VEPH1: variants seen among roughly 807,000 people sequenced by gnomAD.
The protein encoded by VEPH1 is ventricular zone-expressed PH domain-containing protein homolog 1.
Under a neutral mutation model 85.2 loss-of-function variants are expected in VEPH1, and 80 were observed. The observed-to-expected ratio is 0.94, with a 90% CI of 0.78 to 1.13. The LOEUF is 1.13. VEPH1 is among the 50% of genes most tolerant of loss of function. The pLI is 0.00. For synonymous variants in VEPH1, 297 were observed against 348.0 expected (o/e 0.85, Z 1.63); for missense variants, 955 against 980.5 (o/e 0.97, Z 0.35).
At chr3:157,474,081 G>A (rs1034144308) in intron 2 of VEPH1, among the ~76,000 whole-genome samples, 8 of 151,858 alleles carry the variant, frequency 5.3e-5, no homozygotes, top group Non-Finnish European at 8.8e-5. Context: ...GTCAGGTTTC[G>A]TATCAATTTT....
At chr3:157,313,418 G>A (rs1720361337) in intron 11 of VEPH1, among the ~76,000 whole-genome samples, 1 of 152,124 alleles carries the variant, frequency 6.6e-6, no homozygotes, top group Admixed American at 6.5e-5. Context: ...AGACCTCAAA[G>A]GGCAATGTCC....
chr3:157,374,933 T>C (rs1369081397), intron 7 of VEPH1, among the ~76,000 whole-genome samples: 2 of 152,224 alleles, frequency 1.3e-5, no homozygotes, highest in African/African-American at 2.4e-5. Flanking sequence ...ACATTGAAAT[T>C]TGAGATTCAC....
At chr3:157,470,127 G>A (rs761397816) in intron 3 of VEPH1, among the ~76,000 whole-genome samples, 187 bp downstream of exon 3, 64 of 152,232 alleles carry the variant, frequency 4.2e-4, no homozygotes, top group Middle Eastern at 3.4e-3. Context: ...TGTCTTGCAC[G>A]TAGCAGGAGC....
chr3:157,304,042 C>T (rs372836963), intron 11 of VEPH1, among the ~76,000 whole-genome samples: 40 of 51,366 alleles, frequency 7.8e-4, no homozygotes, highest in South Asian at 2.3e-3. Context: ...TATATATACA[C>T]ACATACTGTT....
intron 11 of VEPH1, among the ~76,000 whole-genome samples, chr3:157,312,923 G>A (rs553891586): frequency 0.044 from 1,247 of 28,070 alleles, 10 homozygotes; most frequent in Non-Finnish European, 0.061. Flanking sequence ...TTTTTTTTTT[G>A]AGATGGAGTC....
chr3:157,484,753 T>C (rs925138540), intron 2 of VEPH1, among the ~76,000 whole-genome samples: 2 of 152,200 alleles, frequency 1.3e-5, no homozygotes, highest in South Asian at 2.1e-4. Flanking sequence ...ATAGTTACTG[T>C]AATTAATCAA....
intron 6 of VEPH1, among the ~76,000 whole-genome samples, chr3:157,404,416 G>A (rs542864875): frequency 3.3e-5 from 5 of 152,166 alleles, no homozygotes; most frequent in Non-Finnish European, 7.4e-5. Flanking sequence ...TCACAGCAGG[G>A]CAGATTGCAA....
chr3:157,400,367 A>G (rs1730711718), intron 6 of VEPH1, among the ~76,000 whole-genome samples: 2 of 152,120 alleles, frequency 1.3e-5, no homozygotes, highest in Non-Finnish European at 2.9e-5. Flanking sequence ...CCCACCCTTG[A>G]GAAAAAAAGC....
intron 9 of VEPH1, among the ~76,000 whole-genome samples, chr3:157,362,968 C>A (rs1170277748): frequency 6.6e-6 from 1 of 152,102 alleles, no homozygotes; most frequent in East Asian, 1.9e-4. Flanking sequence ...AGCTGATATT[C>A]AATGTTATGC....
intron 4 of VEPH1, among the ~76,000 whole-genome samples, chr3:157,458,448 A>G (rs778613239): frequency 7.2e-5 from 11 of 151,774 alleles, no homozygotes; most frequent in Admixed American, 2.0e-4. Context: ...TAACTTTTTG[A>G]TTTGCACTTT....
chr3:157,307,448 A>T (rs1339867286), intron 11 of VEPH1, among the ~76,000 whole-genome samples: 1 of 151,902 alleles, frequency 6.6e-6, no homozygotes, highest in African/African-American at 2.4e-5. Flanking sequence ...TCTGTGAAGG[A>T]TCTACTTTTA....
At chr3:157,273,482 G>A (rs1408619261) in intron 12 of VEPH1, among the ~76,000 whole-genome samples, 4 of 152,102 alleles carry the variant, frequency 2.6e-5, no homozygotes, top group Non-Finnish European at 4.4e-5. Flanking sequence ...GAATTCTCAG[G>A]GACAAGTTGC....
intron 11 of VEPH1, among the ~76,000 whole-genome samples, chr3:157,292,416 G>T (rs554021313): frequency 6.6e-6 from 1 of 152,260 alleles, no homozygotes; most frequent in South Asian, 2.1e-4. Flanking sequence ...AAGGGGTCAG[G>T]TATGGTGGCT....
At chr3:157,320,761 C>T (rs1309155215) in intron 9 of VEPH1, among the ~76,000 whole-genome samples, 1 of 151,758 alleles carries the variant, frequency 6.6e-6, no homozygotes, top group Non-Finnish European at 1.5e-5. Flanking sequence ...GTTAAAATAC[C>T]AAATATATTA....
At chr3:157,411,532 G>A (rs1731527844) in intron 6 of VEPH1, among the ~76,000 whole-genome samples, 1 of 152,118 alleles carries the variant, frequency 6.6e-6, no homozygotes, top group Non-Finnish European at 1.5e-5. Context: ...CCCTGGCACA[G>A]GTTCCCGTAA....
At chr3:157,360,405 C>A (rs1188761895) in intron 9 of VEPH1, among the ~76,000 whole-genome samples, 3 of 151,986 alleles carry the variant, frequency 2.0e-5, no homozygotes, top group South Asian at 2.1e-4. Context: ...CTAGGTCATC[C>A]CTGGCAGGAA....
chr3:157,465,668 C>A (rs1736300067), intron 3 of VEPH1, among the ~76,000 whole-genome samples: 1 of 152,190 alleles, frequency 6.6e-6, no homozygotes, highest in Admixed American at 6.5e-5. Context: ...ACATGCAACA[C>A]TAGCAAGGGC....
At chr3:157,304,595 G>A (rs1404240429) in intron 11 of VEPH1, among the ~76,000 whole-genome samples, 3 of 152,020 alleles carry the variant, frequency 2.0e-5, no homozygotes, top group Admixed American at 6.6e-5. Flanking sequence ...CTTGCTCCAT[G>A]GTGGTCTTTC....
chr3:157,458,063 G>A (rs1434298667), intron 4 of VEPH1, among the ~76,000 whole-genome samples: 1 of 152,058 alleles, frequency 6.6e-6, no homozygotes, highest in Non-Finnish European at 1.5e-5. Context: ...GTCTGTTCAG[G>A]GATTCAATTT....
Sources: allele counts gnomAD v4.1 joint callset (sites outside exome capture counted in the v4.1 genomes callset), GRCh38; gene constraint gnomAD v4.1.1; transcripts MANE v1.5; gene names NCBI Gene and HGNC (gene_info 2026-07-23, HGNC 2026-07-21).